The following LRTM1 variants were observed in gnomAD, a reference collection of about 807,000 sequenced individuals.
LRTM1 encodes the protein leucine-rich repeat and transmembrane domain-containing protein 1.
In LRTM1, 38 loss-of-function variants were observed where a neutral mutation model predicts 32.4. That is an observed-to-expected ratio of 1.17 (90% CI 0.91 to 1.54). The LOEUF (loss-of-function observed/expected upper bound fraction) is 1.54. Among genes scored for constraint, LRTM1 ranks in the 40% most tolerant of loss-of-function variants. The pLI, the probability that LRTM1 is intolerant of heterozygous loss-of-function variation, is 0.00. For synonymous variants in LRTM1, 186 were observed against 169.9 expected (o/e 1.09, Z -0.74); for missense variants, 466 against 415.4 (o/e 1.12, Z -1.06).
intron 1 of LRTM1, among the ~76,000 whole-genome samples, chr3:54,957,932 C>T (rs1701941779): frequency 6.6e-6 from 1 of 152,236 alleles, no homozygotes; most frequent in Non-Finnish European, 1.5e-5. Context: ...CTCTCTGTTG[C>T]TCTTGGGACA....
intron 1 of LRTM1, among the ~76,000 whole-genome samples, chr3:54,937,021 G>A (rs1307839485): frequency 1.3e-5 from 2 of 152,124 alleles, no homozygotes; most frequent in Non-Finnish European, 2.9e-5. Flanking sequence ...TGTGTGAGGA[G>A]GTGCTAAGGT....
At chr3:54,919,940 G>A (rs1274511904) in intron 2 of LRTM1, among the ~76,000 whole-genome samples, 1 of 152,166 alleles carries the variant, frequency 6.6e-6, no homozygotes, top group Non-Finnish European at 1.5e-5. Flanking sequence ...CAGGAGCGTT[G>A]TGAGGTCAGA....
chr3:54,965,800 C>T (rs1488171569), intron 1 of LRTM1, among the ~76,000 whole-genome samples: 2 of 152,196 alleles, frequency 1.3e-5, no homozygotes, highest in Non-Finnish European at 2.9e-5. Context: ...AGAACAATTG[C>T]AGCCAGGACT....
At chr3:54,941,437 TGGCCCAGGGATGG>T (rs1400681865) in intron 1 of LRTM1, among the ~76,000 whole-genome samples, 1 of 152,226 alleles carries the variant, frequency 6.6e-6, no homozygotes, top group Non-Finnish European at 1.5e-5. Context: ...AACTACTTAT[TGGCCCAGGGATGG>T]GGCTTTAAGA....
chr3:54,928,768 C>T (rs1246381982), upstream of LRTM1, among the ~76,000 whole-genome samples: 4 of 149,272 alleles, frequency 2.7e-5, no homozygotes, highest in Non-Finnish European at 5.9e-5. Flanking sequence ...AGAAATACTT[C>T]TTAATCTTTC....
chr3:54,941,988 C>T (rs532720289), intron 1 of LRTM1, among the ~76,000 whole-genome samples: 1 of 152,338 alleles, frequency 6.6e-6, no homozygotes, highest in African/African-American at 2.4e-5. Context: ...ATTTGAAAAT[C>T]ATTCCATCCA....
intron 1 of LRTM1, among the ~76,000 whole-genome samples, chr3:54,947,053 T>G (rs1157990706): frequency 6.6e-6 from 1 of 152,208 alleles, no homozygotes; most frequent in Non-Finnish European, 1.5e-5. Context: ...AACCCCATAA[T>G]GAAAGTGATC....
At chr3:54,955,982 G>C (rs1701880845) in intron 1 of LRTM1, among the ~76,000 whole-genome samples, 1 of 152,184 alleles carries the variant, frequency 6.6e-6, no homozygotes, top group Non-Finnish European at 1.5e-5. Context: ...CATATTCTAA[G>C]GTCCTGAGAT....
At chr3:54,927,809 C>A in intron 1 of LRTM1, 96 bp downstream of exon 1, 1 of 1,313,002 alleles carries the variant, frequency 7.6e-7, no homozygotes, top group South Asian at 1.2e-5. Flanking sequence ...TTAAGACAGA[C>A]GACTTGAAAA....
chr3:54,937,967 A>G (rs1248326955), intron 1 of LRTM1, among the ~76,000 whole-genome samples: 1 of 152,194 alleles, frequency 6.6e-6, no homozygotes, highest in Non-Finnish European at 1.5e-5. Context: ...ATCTGACCAT[A>G]ACCAGAGAAA....
intron 1 of LRTM1, among the ~76,000 whole-genome samples, chr3:54,937,432 G>A (rs181521341): frequency 1.9e-4 from 29 of 152,244 alleles, no homozygotes; most frequent in Admixed American, 7.8e-4. Context: ...CTGGCCCTGT[G>A]GAACCCACAT....
chr3:54,956,769 G>A (rs1023530718), intron 1 of LRTM1, among the ~76,000 whole-genome samples: 1 of 152,124 alleles, frequency 6.6e-6, no homozygotes, highest in Non-Finnish European at 1.5e-5. Flanking sequence ...ATATTTAGAT[G>A]CATTAATTGG....
chr3:54,926,252 ATATT>A (rs1429611862), intron 1 of LRTM1, among the ~76,000 whole-genome samples: 2 of 152,184 alleles, frequency 1.3e-5, no homozygotes, highest in African/African-American at 2.4e-5. Context: ...ATAAATATGT[ATATT>A]AATTAATCCT....
chr3:54,958,775 C>T (rs77079397), intron 1 of LRTM1, among the ~76,000 whole-genome samples: 6,572 of 151,832 alleles, frequency 0.043, 217 homozygotes, highest in Non-Finnish European at 0.063. Context: ...TTCTGTGTAA[C>T]CCCCAGCCTA....
At chr3:54,955,413 G>A (rs1701862311) in intron 1 of LRTM1, among the ~76,000 whole-genome samples, 1 of 152,072 alleles carries the variant, frequency 6.6e-6, no homozygotes, top group Non-Finnish European at 1.5e-5. Flanking sequence ...TATTTGATGA[G>A]ATTTCTAGGG....
In LRTM1 at chr3:54,925,034, G is replaced by C. The variant is rs560606749; in HGVS notation, c.189C>G (p.His63Gln). 1.9e-6 allele frequency: 3 copies of C among 1,614,006 alleles called. No homozygotes were observed. Among genetic ancestry groups the C allele is most frequent in the Non-Finnish European group, 2.5e-6 (3 of 1,180,016 alleles). Reference protein sequence around the residue: ...RTLHLQDNQIHHLPAFAFRSV... With the variant: ...RTLHLQDNQIQHLPAFAFRSV... ...ACCTAAATGCAAAAGCAGGAAGATG[G>C]TGTATCTGATTATCTTGTAAATGCA... Residue 63 changes from histidine (H) to glutamine (Q), a missense_variant, in exon 2 of 3, where the codon CAC becomes CAG. By Grantham distance (24) the His-to-Gln change is conservative. Coordinates refer to ENST00000273286, the MANE Select transcript of LRTM1 (RefSeq NM_020678.4).
In LRTM1 at chr3:54,937,769, C is replaced by T. The variant is rs527859016; in HGVS notation, c.-221-12554G>A. ...CCAGGTAAAGGCATGGCATGTGTTACGCTGAGAGGCCAGTGAGATGGCACA... is the reference window on the plus strand; with the variant it reads ...CCAGGTAAAGGCATGGCATGTGTTATGCTGAGAGGCCAGTGAGATGGCACA... On this transcript the variant is annotated intron_variant, in intron 1 of 2. Coordinates refer to the LRTM1 transcript ENST00000493075. Among the ~76,000 whole-genome samples, 19 of 152,024 alleles carry T rather than the reference C, an allele frequency of 1.2e-4. 1 individual carries two copies. The East Asian group carries it at 1.9e-3, about 16-fold the overall frequency.
At chr3:54,963,444 C>T (rs1326603063) in intron 1 of LRTM1, among the ~76,000 whole-genome samples, 8 of 152,342 alleles carry the variant, frequency 5.3e-5, no homozygotes, top group Non-Finnish European at 7.3e-5. Flanking sequence ...TAGCCTCTAG[C>T]ACCCTGTGGC....
intron 1 of LRTM1, among the ~76,000 whole-genome samples, chr3:54,952,454 T>G (rs1701781227): frequency 6.6e-6 from 1 of 152,194 alleles, no homozygotes; most frequent in Non-Finnish European, 1.5e-5. Flanking sequence ...GACAGATCAG[T>G]TCACAGATGT....
Sources: gnomAD v4.1 joint callset for allele counts (sites outside exome capture counted in the v4.1 genomes callset) on GRCh38, gnomAD v4.1.1 for gene constraint, MANE v1.5 for transcripts, NCBI Gene and HGNC (gene_info 2026-07-23, HGNC 2026-07-21) for gene names.